The following DSCAML1 variants were observed in gnomAD, a reference collection of about 807,000 sequenced individuals.
DSCAML1 encodes the protein DS cell adhesion molecule like 1.
Under a neutral mutation model 200.5 loss-of-function variants are expected in DSCAML1, and 38 were observed. The observed-to-expected ratio is 0.19, with a 90% confidence interval of 0.15 to 0.25. The LOEUF (loss-of-function observed/expected upper bound fraction) is 0.25. DSCAML1 is among the 10% of genes least tolerant of loss of function. The pLI, the probability that DSCAML1 is intolerant of heterozygous loss-of-function variation, is 1.00. For synonymous variants in DSCAML1, 1,215 were observed against 1,165.0 expected, an observed-to-expected ratio of 1.04 and a Z score of -0.87; for missense variants, 2,223 against 2,858.8, an observed-to-expected ratio of 0.78 and a Z score of 5.07.
chr11:117,451,859 A>G (rs959154370), intron 19 of DSCAML1, among the ~76,000 whole-genome samples: 3 of 152,022 alleles, frequency 2.0e-5, no homozygotes, highest in Non-Finnish European at 2.9e-5. Context: ...TGCCTATTGC[A>G]TAAGACACTC....
Position 117,471,957 on chromosome 11 carries a change from T to C in DSCAML1, c.2865A>G (p.Ala955=), listed in dbSNP as rs34573317. The stretch of plus-strand genomic sequence containing the variant: ...AGTACATGCGGATGCTGTACACAGA[T>C]GCCGGGTGCAAGTCCACAATGTTGG... The part of the protein sequence containing the change: ...NQANIVDLHP[A]SVYSIRMYSF... The change falls in exon 15 of 33, where the codon GCA becomes GCG. Residue 955 remains alanine (A), a synonymous_variant. Transcript: ENST00000651296. 0.033 allele frequency: 53,244 copies of C among 1,614,040 alleles called. 1,253 individuals are homozygous for C. The highest frequency in any genetic ancestry group is 0.092 in the South Asian group (8,406 of 91,042).
At chr11:117,811,753 T>C (rs549088804) in intron 1 of DSCAML1, among the ~76,000 whole-genome samples, 11 of 152,324 alleles carry the variant, frequency 7.2e-5, no homozygotes, top group Admixed American at 4.6e-4. Context: ...AGACTGAGGC[T>C]GCCTGATTGC....
chr11:117,476,221 T>C (rs529080044), intron 14 of DSCAML1, among the ~76,000 whole-genome samples: 50 of 152,306 alleles, frequency 3.3e-4, no homozygotes, highest in Admixed American at 2.6e-4. Context: ...CTCTGTGGGC[T>C]GCTTGCTGAG....
At chr11:117,528,467 A>C (rs932190883) in intron 4 of DSCAML1, among the ~76,000 whole-genome samples, 1 of 152,192 alleles carries the variant, frequency 6.6e-6, no homozygotes, top group Non-Finnish European at 1.5e-5. Flanking sequence ...CTAGCACTGA[A>C]GCAGGGCTGG....
intron 12 of DSCAML1, 73 bp from the exon 13 acceptor site, chr11:117,481,343 G>A: frequency 2.7e-6 from 4 of 1,455,568 alleles, no homozygotes; most frequent in South Asian, 2.3e-5. Flanking sequence ...AGCTGAAGGG[G>A]TCACTCCAGG....
chr11:117,738,332 C>A (rs754470482), intron 3 of DSCAML1, among the ~76,000 whole-genome samples: 1 of 152,070 alleles, frequency 6.6e-6, no homozygotes, highest in Non-Finnish European at 1.5e-5. Flanking sequence ...CATTCTAGGT[C>A]ATTCCCTCCC....
chr11:117,732,571 G>A lies in DSCAML1; in HGVS notation c.511+44220C>T, dbSNP rs376017083. On this transcript the variant is annotated intron_variant, in intron 3 of 32. Transcript: ENST00000651296. The stretch of plus-strand genomic sequence containing the variant: ...TGTAGACATGGTGAGAGGTCCGACC[G>A]GGGAACCTCTTAGGACTTAGACCAC... Among the ~76,000 whole-genome samples, 246 of 152,054 alleles carry A rather than the reference G, an allele frequency of 1.6e-3. 2 individuals are homozygous for A. Among genetic ancestry groups the A allele is most frequent in the African/African-American group, 5.5e-3 (229 of 41,374 alleles).
chr11:117,667,164 C>A (rs1488552555), intron 3 of DSCAML1, among the ~76,000 whole-genome samples: 3 of 152,192 alleles, frequency 2.0e-5, no homozygotes, highest in Non-Finnish European at 2.9e-5. Flanking sequence ...GTAATCCCAG[C>A]ACTTCGGGAG....
Position 117,622,024 on chromosome 11 carries a change from C to T in DSCAML1, c.512-89502G>A, listed in dbSNP as rs568105554. Among the ~76,000 whole-genome samples the T allele has an allele frequency of 3.3e-5, 5 of 152,310 alleles. No individual in the cohort carries two copies. In the South Asian group the frequency reaches 1.0e-3, roughly 32 times the overall value. On this transcript the variant is annotated intron_variant, in intron 3 of 32. Coordinates refer to ENST00000651296, the MANE Select transcript of DSCAML1 (RefSeq NM_020693.4). The stretch of plus-strand genomic sequence containing the variant: ...AGCAAGCACACTACAAGGTCTGAAA[C>T]TTAGATGACCCTCAGTCCATGTTTG...
At chr11:117,702,607 C>T (rs1482715356) in intron 3 of DSCAML1, among the ~76,000 whole-genome samples, 2 of 152,058 alleles carry the variant, frequency 1.3e-5, no homozygotes, top group Admixed American at 6.6e-5. Context: ...TGTCTTAGAT[C>T]ACATTGCCTG....
intron 14 of DSCAML1, among the ~76,000 whole-genome samples, chr11:117,479,971 T>C (rs2048876689): frequency 6.6e-6 from 1 of 152,118 alleles, no homozygotes; most frequent in African/African-American, 2.4e-5. Flanking sequence ...AGAGGAAATA[T>C]AGGTCCAAGC....
intron 3 of DSCAML1, among the ~76,000 whole-genome samples, chr11:117,604,044 A>G (rs1428005782): frequency 2.0e-5 from 3 of 152,108 alleles, no homozygotes; most frequent in African/African-American, 7.2e-5. Flanking sequence ...TGATATTCAA[A>G]CCCCAGCCTG....
intron 3 of DSCAML1, among the ~76,000 whole-genome samples, chr11:117,738,062 C>T (rs978216136): frequency 1.3e-5 from 2 of 152,118 alleles, no homozygotes; most frequent in African/African-American, 4.8e-5. Context: ...ATGATGACTG[C>T]CTGAAACAGG....
At chr11:117,754,967 G>A (rs2054662137) in intron 3 of DSCAML1, among the ~76,000 whole-genome samples, 1 of 152,096 alleles carries the variant, frequency 6.6e-6, no homozygotes, top group Non-Finnish European at 1.5e-5. Flanking sequence ...AATCCATGGG[G>A]AACTGGTTAC....
chr11:117,707,744 A>G (rs573108058), intron 3 of DSCAML1, among the ~76,000 whole-genome samples: 62 of 152,090 alleles, frequency 4.1e-4, no homozygotes, highest in African/African-American at 1.3e-3. Flanking sequence ...CATGTTGACC[A>G]GGATGGTCTC....
At chr11:117,707,329 TC>T (rs1280948202) in intron 3 of DSCAML1, among the ~76,000 whole-genome samples, 3 of 152,116 alleles carry the variant, frequency 2.0e-5, no homozygotes, top group African/African-American at 7.2e-5. Flanking sequence ...GTTTCCTGGC[TC>T]CCAAAGATAA....
intron 3 of DSCAML1, among the ~76,000 whole-genome samples, chr11:117,610,537 G>T (rs2051667459): frequency 6.6e-6 from 1 of 152,076 alleles, no homozygotes. Context: ...TCATGGAGTG[G>T]TGAGAACAGA....
intron 3 of DSCAML1, among the ~76,000 whole-genome samples, chr11:117,752,296 G>T (rs1001665167): frequency 2.0e-5 from 3 of 152,184 alleles, no homozygotes; most frequent in Non-Finnish European, 4.4e-5. Flanking sequence ...AAAGCCTAGG[G>T]GTGGAACGAC....
chr11:117,512,643 TACACACACACACACACACACACACACAC>T (rs71037481), intron 8 of DSCAML1, among the ~76,000 whole-genome samples: 4 of 125,140 alleles, frequency 3.2e-5, no homozygotes, highest in Admixed American at 2.3e-4. Context: ...CAAGCGTGTG[TACACACACACACACACACACACACACAC>T]ACACACACAC....
Sources: allele counts gnomAD v4.1 joint callset (sites outside exome capture counted in the v4.1 genomes callset), GRCh38; gene constraint gnomAD v4.1.1; transcripts MANE v1.5; gene names NCBI Gene and HGNC (gene_info 2026-07-23, HGNC 2026-07-21).